NTRK3: variants seen among roughly 807,000 people sequenced by gnomAD.
The protein encoded by NTRK3 is neurotrophic receptor tyrosine kinase 3.
In NTRK3, 24 loss-of-function variants were observed where a neutral mutation model predicts 91.7. The ratio of observed to expected loss-of-function variants is 0.26; its 90% CI spans 0.19 to 0.37. The LOEUF is 0.37. NTRK3 is among the 10% of genes least tolerant of loss of function. NTRK3 has a pLI of 1.00. For missense variants in NTRK3, 880 were observed against 1,068.9 expected, an observed-to-expected ratio of 0.82 and a Z score of 2.46; for synonymous variants, 483 against 404.0, an observed-to-expected ratio of 1.20 and a Z score of -2.34.
chr15:88,106,798 T>C (rs911928833), intron 13 of NTRK3, among the ~76,000 whole-genome samples: 1 of 151,928 alleles, frequency 6.6e-6, no homozygotes, highest in African/African-American at 2.4e-5. Context: ...CTGGGCATGG[T>C]GGTGGGTGCC....
intron 13 of NTRK3, among the ~76,000 whole-genome samples, chr15:88,095,484 T>A (rs2049491549): frequency 6.6e-6 from 1 of 152,194 alleles, no homozygotes; most frequent in African/African-American, 2.4e-5. Context: ...TTGGGAAACC[T>A]GCTTGGAGTC....
intron 3 of NTRK3, among the ~76,000 whole-genome samples, chr15:88,190,969 C>T (rs2047337496): frequency 6.6e-6 from 1 of 152,210 alleles, no homozygotes; most frequent in African/African-American, 2.4e-5. Context: ...CACATGCATA[C>T]AGATAGGCAG....
chr15:87,929,051 A>T, intron 17 of NTRK3, 140 bp downstream of exon 17: 1 of 1,278,894 alleles, frequency 7.8e-7, no homozygotes, highest in Non-Finnish European at 1.1e-6. Flanking sequence ...AGAGGCCAAA[A>T]GATAACTGTT....
chr15:88,086,074 T>C (rs1297219886), intron 13 of NTRK3, among the ~76,000 whole-genome samples: 1 of 152,208 alleles, frequency 6.6e-6, no homozygotes, highest in African/African-American at 2.4e-5. Context: ...GAAGACTTCA[T>C]AGGTAGGAGA....
intron 13 of NTRK3, among the ~76,000 whole-genome samples, chr15:88,048,678 T>C (rs774520482): frequency 5.9e-5 from 9 of 152,116 alleles, no homozygotes; most frequent in Non-Finnish European, 1.0e-4. Context: ...CTAAAGAAAA[T>C]GTCAAGATAA....
At chr15:88,066,066 C>A (rs1193138449) in intron 13 of NTRK3, among the ~76,000 whole-genome samples, 1 of 152,180 alleles carries the variant, frequency 6.6e-6, no homozygotes, top group Non-Finnish European at 1.5e-5. Context: ...GATACAAAAG[C>A]AGCAACTATC....
intron 14 of NTRK3, chr15:87,981,253 C>T: frequency 6.3e-7 from 1 of 1,593,004 alleles, no homozygotes; most frequent in Non-Finnish European, 8.6e-7. Context: ...GACACTTCCC[C>T]ACTCTGGACC....
chr15:88,090,829 C>G (rs1259006228), intron 13 of NTRK3, among the ~76,000 whole-genome samples: 2 of 152,092 alleles, frequency 1.3e-5, no homozygotes, highest in African/African-American at 4.8e-5. Flanking sequence ...AGGCAGCAAG[C>G]AACTGGCCTT....
At chr15:88,111,413 G>A (rs1484732552) in intron 13 of NTRK3, among the ~76,000 whole-genome samples, 7 of 152,322 alleles carry the variant, frequency 4.6e-5, no homozygotes, top group East Asian at 1.9e-4. Flanking sequence ...CCATTAACCC[G>A]CAGCCAAATG....
intron 14 of NTRK3, among the ~76,000 whole-genome samples, chr15:88,003,982 G>A (rs1283754175): frequency 3.9e-5 from 6 of 152,038 alleles, no homozygotes; most frequent in Non-Finnish European, 8.8e-5. Context: ...TCCTGCTTCA[G>A]GGCCACGCAC....
intron 13 of NTRK3, among the ~76,000 whole-genome samples, chr15:88,100,583 C>T (rs1168172201): frequency 1.3e-5 from 2 of 152,154 alleles, no homozygotes; most frequent in East Asian, 3.9e-4. Flanking sequence ...CAGGATGTCA[C>T]AGAAGAAGGG....
chr15:87,859,975 T>A, exon 19 of NTRK3: 1 of 193,802 alleles, frequency 5.2e-6, no homozygotes, highest in Non-Finnish European at 1.1e-5. Flanking sequence ...TACATGTGCA[T>A]ATACATACCT....
intron 15 of NTRK3, among the ~76,000 whole-genome samples, chr15:87,939,593 T>C (rs1453303346): frequency 6.6e-6 from 1 of 152,176 alleles, no homozygotes; most frequent in Non-Finnish European, 1.5e-5. Context: ...AAACAGGAAC[T>C]GCATTTGTGA....
At chr15:88,002,458 C>G (rs1263031342) in intron 14 of NTRK3, among the ~76,000 whole-genome samples, 1 of 152,042 alleles carries the variant, frequency 6.6e-6, no homozygotes, top group African/African-American at 2.4e-5. Flanking sequence ...CTAGGAACTA[C>G]AGAGGGTAGG....
In NTRK3 at chr15:88,168,046, C is replaced by T. The variant is rs114565891; in HGVS notation, c.395+15372G>A. On this transcript the variant is annotated intron_variant, in intron 5 of 18. Transcript: ENST00000394480. The stretch of plus-strand genomic sequence containing the variant: ...AGATTAGATGACTTGACCAAGATCT[C>T]GCAGCTGGTCAGCAAACAAGGTAGG... Among the ~76,000 whole-genome samples the T allele has an allele frequency of 6.6e-3, 1,011 of 152,216 alleles. 14 individuals are homozygous for T. The highest frequency in any genetic ancestry group is 0.023 in the African/African-American group (952 of 41,520).
intron 13 of NTRK3, chr15:88,072,448 CG>C (rs1389099378): frequency 4.4e-6 from 1 of 227,674 alleles, no homozygotes; most frequent in African/African-American, 2.2e-5. Flanking sequence ...CAATTTATTC[CG>C]GAGAGGGAGA....
intron 14 of NTRK3, among the ~76,000 whole-genome samples, chr15:87,976,016 C>T (rs1376667057): frequency 6.6e-6 from 1 of 152,166 alleles, no homozygotes; most frequent in African/African-American, 2.4e-5. Flanking sequence ...ACTTTTCCTT[C>T]CCATATTCTC....
chr15:87,864,177 A>T (rs2064601910), exon 19 of NTRK3: 1 of 232,666 alleles, frequency 4.3e-6, no homozygotes. Flanking sequence ...TTAATTTGAC[A>T]GTTCCTCAAG....
At chr15:87,902,905 C>T (rs928293304) in intron 17 of NTRK3, among the ~76,000 whole-genome samples, 2 of 152,086 alleles carry the variant, frequency 1.3e-5, no homozygotes, top group African/African-American at 2.4e-5. Flanking sequence ...CACCCCGACT[C>T]CCCCTTGCTC....
Sources: gnomAD v4.1 joint callset for allele counts (sites outside exome capture counted in the v4.1 genomes callset) on GRCh38, gnomAD v4.1.1 for gene constraint, MANE v1.5 for transcripts, NCBI Gene and HGNC (gene_info 2026-07-23, HGNC 2026-07-21) for gene names.